Variants in EPN2 observed in about 807,000 individuals in gnomAD.
EPN2 encodes the protein epsin-2.
A neutral mutation model predicts 61.7 loss-of-function variants in EPN2; 34 were observed. The observed-to-expected ratio is 0.55, with a 90% CI of 0.42 to 0.73. The LOEUF (loss-of-function observed/expected upper bound fraction) is 0.73, where lower values mean the gene tolerates loss of function less well. Among genes scored for constraint, EPN2 ranks in the 30% least tolerant of loss-of-function variants. EPN2 has a pLI of 0.00. For missense variants in EPN2, 714 were observed against 839.2 expected, an observed-to-expected ratio of 0.85 and a Z score of 1.84; for synonymous variants, 349 against 353.6, an observed-to-expected ratio of 0.99 and a Z score of 0.15.
rs150218602 is a variant in EPN2 at position 19,292,737 on chromosome 17, A to G, written c.766+6947A>G. Among the ~76,000 whole-genome samples the G allele has an allele frequency of 9.7e-3, 1,484 of 152,386 alleles. 12 individuals are homozygous for G. The highest frequency in any genetic ancestry group is 0.017 in the Non-Finnish European group (1,181 of 68,032). On this transcript the variant is annotated intron_variant, in intron 4 of 10. Coordinates refer to ENST00000314728, the MANE Select transcript of EPN2 (RefSeq NM_014964.5). ...GCTGCTAAAGTCAGACAGTTGCCCA[A>G]CACAACCAGAAGGCATCTGGATCAC...
At chr17:19,244,381 C>A (rs2044921695) in intron 1 of EPN2, among the ~76,000 whole-genome samples, 2 of 151,960 alleles carry the variant, frequency 1.3e-5, no homozygotes, top group South Asian at 4.2e-4. Context: ...ATTGCTTGAA[C>A]CTGGGAGGCG....
intron 7 of EPN2, among the ~76,000 whole-genome samples, chr17:19,324,924 A>G (rs1209942682): frequency 6.6e-6 from 1 of 152,240 alleles, no homozygotes; most frequent in African/African-American, 2.4e-5. Flanking sequence ...ATGAAACAGC[A>G]TAACTGCCGG....
chr17:19,281,233 G>C (rs903867134), intron 1 of EPN2, among the ~76,000 whole-genome samples: 2 of 152,106 alleles, frequency 1.3e-5, no homozygotes, highest in African/African-American at 2.4e-5. Context: ...TCCCCTTACC[G>C]GGACTGATCC....
At chr17:19,249,340 C>G (rs1331544139) in intron 1 of EPN2, 1 of 152,254 alleles carries the variant, frequency 6.6e-6, no homozygotes, top group African/African-American at 2.4e-5. Flanking sequence ...TCCAGAGGAC[C>G]TGAAGAGCCC....
Position 19,309,909 on chromosome 17 carries a change from A to G in EPN2, c.791A>G (p.Glu264Gly). The G allele has an allele frequency of 6.2e-7, 1 of 1,608,592 alleles. No individual in the cohort carries two copies. The highest frequency in any genetic ancestry group is 8.5e-7 in the Non-Finnish European group (1 of 1,179,994). Residue 264 changes from glutamate (E) to glycine (G), a missense_variant, in exon 5 of 11, where the codon GAG becomes GGG. Glu to Gly is a moderately conservative substitution (Grantham distance 98). Transcript: ENST00000314728. The part of the protein sequence containing the change: ...ARATSPRVSS[E>G]LEQARPQTSG... ...GCCACCTCCCCGCGAGTGTCCTCCG[A>G]GCTGGAGCAAGCCCGGCCCCAGACT...
chr17:19,289,466 G>T (rs2045439000), intron 4 of EPN2, among the ~76,000 whole-genome samples: 1 of 152,216 alleles, frequency 6.6e-6, no homozygotes, highest in East Asian at 1.9e-4. Context: ...GGATGACTCT[G>T]AGGGCTGGGA....
chr17:19,245,573 AC>A (rs1353504201), intron 1 of EPN2, among the ~76,000 whole-genome samples: 1 of 151,854 alleles, frequency 6.6e-6, no homozygotes, highest in Non-Finnish European at 1.5e-5. Flanking sequence ...AGTAGCTGGG[AC>A]TATAGGCATG....
At chr17:19,319,521 C>T (rs1023990685) in intron 7 of EPN2, among the ~76,000 whole-genome samples, 3 of 151,792 alleles carry the variant, frequency 2.0e-5, no homozygotes, top group Non-Finnish European at 4.4e-5. Flanking sequence ...TTAGTAGAGA[C>T]GGGGTTTCAC....
chr17:19,262,449 G>T (rs1334938410), intron 1 of EPN2, among the ~76,000 whole-genome samples: 1 of 152,238 alleles, frequency 6.6e-6, no homozygotes, highest in Non-Finnish European at 1.5e-5. Flanking sequence ...CTGCACTCCA[G>T]CCTGGGCAAC....
intron 7 of EPN2, among the ~76,000 whole-genome samples, chr17:19,315,489 C>G (rs1567865812): frequency 6.6e-6 from 1 of 150,594 alleles, no homozygotes; most frequent in Non-Finnish European, 1.5e-5. Context: ...ACCATTTCAA[C>G]TTTTTTTTTT....
intron 5 of EPN2, among the ~76,000 whole-genome samples, chr17:19,311,692 A>G (rs927005366): frequency 6.6e-6 from 1 of 152,190 alleles, no homozygotes; most frequent in African/African-American, 2.4e-5. Flanking sequence ...TTGGGTTGTC[A>G]GATTTGTGTT....
At chr17:19,240,727 C>T (rs1487314950) in intron 1 of EPN2, among the ~76,000 whole-genome samples, 2 of 152,138 alleles carry the variant, frequency 1.3e-5, no homozygotes, top group East Asian at 3.9e-4. Flanking sequence ...CTTCACCAAC[C>T]CACACAGTCT....
rs1005951384 is a variant in EPN2 at position 19,334,345 on chromosome 17, A to G, written c.*91A>G. On this transcript the variant is annotated 3_prime_UTR_variant, in exon 11 of 11. Transcript: ENST00000314728. This position sits in a 1 kb window ranked among gnomAD's most constrained non-coding sequence, Gnocchi z 4.9. Reference sequence around the variant, plus strand: ...TGGGACGGGATCCAAGAGTTTGGGGATTAGGGGTATTAGGGCTTTTCAGCT... The same window carrying G: ...TGGGACGGGATCCAAGAGTTTGGGGGTTAGGGGTATTAGGGCTTTTCAGCT... The G allele has an allele frequency of 9.5e-7, 1 of 1,051,448 alleles. No individual in the cohort carries two copies. The highest frequency in any genetic ancestry group is 1.3e-6 in the Non-Finnish European group (1 of 780,812). The allele number at this position is 1,051,448 out of a possible 1,614,324, so 65.1% of individuals were successfully genotyped here.
chr17:19,297,613 C>T (rs2045533333), intron 4 of EPN2, among the ~76,000 whole-genome samples: 1 of 152,086 alleles, frequency 6.6e-6, no homozygotes, highest in Non-Finnish European at 1.5e-5. Flanking sequence ...GGTGTTCAGG[C>T]AGGCAGTGCA....
At chr17:19,254,910 C>T (rs758281235) in intron 1 of EPN2, among the ~76,000 whole-genome samples, 4 of 152,124 alleles carry the variant, frequency 2.6e-5, no homozygotes, top group East Asian at 1.9e-4. Context: ...CTTTGTCTTA[C>T]GTTTGCATTG....
intron 4 of EPN2, among the ~76,000 whole-genome samples, chr17:19,304,840 A>G (rs2152228449): frequency 6.6e-6 from 1 of 152,290 alleles, no homozygotes; most frequent in East Asian, 1.9e-4. Flanking sequence ...TGACATGCAC[A>G]GGGTGTGAGA....
chr17:19,253,787 A>G (rs1312502419), intron 1 of EPN2, among the ~76,000 whole-genome samples: 1 of 152,152 alleles, frequency 6.6e-6, no homozygotes, highest in African/African-American at 2.4e-5. Context: ...GTCACATGTG[A>G]GAGGGCAAGA....
chr17:19,255,977 A>G (rs1436089511), intron 1 of EPN2, among the ~76,000 whole-genome samples: 4 of 151,302 alleles, frequency 2.6e-5, no homozygotes, highest in African/African-American at 9.7e-5. Context: ...TTGGTCTGTT[A>G]CCCAGGCTGG....
intron 1 of EPN2, among the ~76,000 whole-genome samples, chr17:19,252,788 C>G (rs2045028734): frequency 6.6e-6 from 1 of 152,224 alleles, no homozygotes; most frequent in South Asian, 2.1e-4. Flanking sequence ...CTCCTGGGCT[C>G]AAGCCATCCT....
Sources: allele counts gnomAD v4.1 joint callset (sites outside exome capture counted in the v4.1 genomes callset), GRCh38; gene constraint gnomAD v4.1.1; non-coding constraint Gnocchi (gnomAD v3.1); transcripts MANE v1.5; gene names NCBI Gene and HGNC (gene_info 2026-07-23, HGNC 2026-07-21).